Variants in CEP112 observed in about 807,000 individuals in gnomAD.
The protein encoded by CEP112 is centrosomal protein of 112 kDa.
Under a neutral mutation model 153.0 loss-of-function variants are expected in CEP112, and 127 were observed. The observed-to-expected ratio is 0.83, with a 90% CI of 0.72 to 0.96. The LOEUF (loss-of-function observed/expected upper bound fraction) is 0.96. Among genes scored for constraint, CEP112 ranks in the 40% least tolerant of loss-of-function variants. The pLI is 0.00. For synonymous variants in CEP112, 358 were observed against 374.4 expected, an observed-to-expected ratio of 0.96 and a Z score of 0.51; for missense variants, 1,089 against 1,101.2, an observed-to-expected ratio of 0.99 and a Z score of 0.16.
intron 23 of CEP112, among the ~76,000 whole-genome samples, chr17:65,725,430 A>G (rs2050121827): frequency 2.0e-5 from 3 of 152,074 alleles, no homozygotes; most frequent in Admixed American, 2.0e-4. Context: ...TGATTCTCCT[A>G]TCTCAGCCTC....
chr17:65,958,517 T>C (rs2062078833), intron 18 of CEP112, among the ~76,000 whole-genome samples: 1 of 84,774 alleles, frequency 1.2e-5, no homozygotes, highest in African/African-American at 3.9e-5. Flanking sequence ...GGTTTCTCCT[T>C]GCTGTCCGTG....
intron 20 of CEP112, among the ~76,000 whole-genome samples, chr17:65,889,809 C>T (rs920030469): frequency 2.0e-5 from 3 of 152,068 alleles, no homozygotes; most frequent in Non-Finnish European, 4.4e-5. Context: ...CTCACTGCCA[C>T]ATCAACTTTC....
chr17:65,820,247 C>G (rs1234870623), intron 21 of CEP112, among the ~76,000 whole-genome samples: 2 of 152,000 alleles, frequency 1.3e-5, no homozygotes, highest in African/African-American at 4.8e-5. Context: ...TTCTTCATAT[C>G]TAGTGCCAAT....
chr17:65,762,223 T>C (rs1238108233), intron 21 of CEP112, among the ~76,000 whole-genome samples: 1 of 152,122 alleles, frequency 6.6e-6, no homozygotes, highest in Non-Finnish European at 1.5e-5. Context: ...TAAAGTCCAC[T>C]GTATCTGAAT....
chr17:66,034,970 T>TTTTGTGTGTG (rs1555777524), intron 12 of CEP112, among the ~76,000 whole-genome samples: 1 of 96,758 alleles, frequency 1.0e-5, no homozygotes, highest in Non-Finnish European at 2.0e-5. Flanking sequence ...AGCTAAGTTT[T>TTTTGTGTGTG]TGCATGTATA....
In CEP112 at chr17:66,053,789, T is replaced by C; in HGVS notation, c.1165A>G (p.Asn389Asp). ...ENIQELLEDT[N>D]VRLNKMESEY... is the part of the protein sequence containing the mutation. Reference sequence around the variant, plus strand: ...CTCTCCATTTTATTCAGACGCACATTTGTATCCTCAAGCAATTCTTGAATG... The same window carrying C: ...CTCTCCATTTTATTCAGACGCACATCTGTATCCTCAAGCAATTCTTGAATG... Residue 389 changes from asparagine to aspartate, a missense_variant, in exon 12 of 27, where the codon AAT (asparagine) becomes GAT (aspartate). By Grantham distance (23) the Asn-to-Asp change is conservative. Transcript: ENST00000535342. The C allele has an allele frequency of 1.9e-6, 3 of 1,613,690 alleles. No homozygotes were observed. The highest frequency in any genetic ancestry group is 2.5e-6 in the Non-Finnish European group (3 of 1,179,756).
intron 20 of CEP112, among the ~76,000 whole-genome samples, chr17:65,863,748 T>C (rs2058387551): frequency 3.3e-5 from 1 of 30,756 alleles, no homozygotes. Context: ...AGACTCTGTC[T>C]CAAAAAAAAA....
chr17:65,900,568 A>G (rs1568193904), intron 20 of CEP112, among the ~76,000 whole-genome samples: 1 of 152,154 alleles, frequency 6.6e-6, no homozygotes, highest in African/African-American at 2.4e-5. Flanking sequence ...GGCTTCCCAT[A>G]GCAGCCCCCA....
At chr17:65,798,863 C>A (rs2055093366) in intron 21 of CEP112, among the ~76,000 whole-genome samples, 1 of 152,164 alleles carries the variant, frequency 6.6e-6, no homozygotes, top group South Asian at 2.1e-4. Context: ...CATGAAAATG[C>A]ATTAGGAACC....
At chr17:65,734,082 A>G (rs2050664670) in intron 23 of CEP112, among the ~76,000 whole-genome samples, 1 of 152,238 alleles carries the variant, frequency 6.6e-6, no homozygotes. Flanking sequence ...CAGATACAGC[A>G]CAAGCACCAC....
chr17:65,710,764 G>A (rs952627248), intron 23 of CEP112, among the ~76,000 whole-genome samples: 7 of 152,200 alleles, frequency 4.6e-5, no homozygotes, highest in Non-Finnish European at 7.3e-5. Context: ...AGGTTTCTCT[G>A]TAGCTTAAGA....
chr17:66,038,100 C>CAAAAAAAA (rs5821553), intron 12 of CEP112, among the ~76,000 whole-genome samples: 3 of 105,398 alleles, frequency 2.8e-5, no homozygotes, highest in African/African-American at 7.7e-5. Context: ...GACTCTGTCT[C>CAAAAAAAA]AAAAAAAAAA....
At chr17:66,045,617 C>T (rs1365682984) in intron 12 of CEP112, among the ~76,000 whole-genome samples, 1 of 152,116 alleles carries the variant, frequency 6.6e-6, no homozygotes, top group Non-Finnish European at 1.5e-5. Context: ...ATGAAAAATA[C>T]AGAATATGTT....
chr17:65,646,416 A>C (rs2045435283), intron 24 of CEP112, among the ~76,000 whole-genome samples: 1 of 152,220 alleles, frequency 6.6e-6, no homozygotes, highest in South Asian at 2.1e-4. Context: ...CAATTTAAAA[A>C]TCATTATGTA....
At chr17:66,176,774 C>T in intron 3 of CEP112, 56 bp downstream of exon 3, 1 of 1,360,122 alleles carries the variant, frequency 7.4e-7, no homozygotes, top group East Asian at 2.3e-5. Flanking sequence ...GGGATGATAA[C>T]TTGACGCTTT....
At chr17:65,765,701 C>T (rs1015554782) in intron 21 of CEP112, among the ~76,000 whole-genome samples, 1 of 152,072 alleles carries the variant, frequency 6.6e-6, no homozygotes, top group Admixed American at 6.6e-5. Flanking sequence ...ATTCCCTAAA[C>T]TCTTATAGCC....
At chr17:66,091,504 AAC>A (rs1256601922) in intron 8 of CEP112, among the ~76,000 whole-genome samples, 13 of 152,132 alleles carry the variant, frequency 8.5e-5, no homozygotes, top group African/African-American at 3.1e-4. Context: ...TGAAAATAAA[AAC>A]ACAACATACA....
chr17:66,184,578 T>G (rs181199962), intron 1 of CEP112, among the ~76,000 whole-genome samples: 1 of 152,246 alleles, frequency 6.6e-6, no homozygotes. Context: ...CCACTAACAT[T>G]AAAAATGCAA....
At chr17:65,676,937 C>T (rs1262712308) in intron 24 of CEP112, among the ~76,000 whole-genome samples, 1 of 152,088 alleles carries the variant, frequency 6.6e-6, no homozygotes, top group Non-Finnish European at 1.5e-5. Context: ...GGGAGCCTGG[C>T]CTGGAGCACC....
Sources: allele counts gnomAD v4.1 joint callset (sites outside exome capture counted in the v4.1 genomes callset), GRCh38; gene constraint gnomAD v4.1.1; transcripts MANE v1.5; gene names NCBI Gene and HGNC (gene_info 2026-07-23, HGNC 2026-07-21).